PIP5K1B: variants seen among roughly 807,000 people sequenced by gnomAD.
PIP5K1B encodes the protein phosphatidylinositol 4-phosphate 5-kinase type-1 beta.
Under a neutral mutation model 67.0 loss-of-function variants are expected in PIP5K1B, and 42 were observed. The ratio of observed to expected loss-of-function variants is 0.63; its 90% CI spans 0.49 to 0.81. The LOEUF (loss-of-function observed/expected upper bound fraction) is 0.81, where lower values mean the gene tolerates loss of function less well. Among genes scored for constraint, PIP5K1B ranks in the 30% least tolerant of loss-of-function variants. The pLI is 0.00. For missense variants in PIP5K1B, 459 were observed against 646.3 expected (o/e 0.71, Z 3.14); for synonymous variants, 214 against 231.4 (o/e 0.92, Z 0.68).
chr9:68,895,265 TAA>T (rs11342436), intron 8 of PIP5K1B, among the ~76,000 whole-genome samples: 129 of 121,096 alleles, frequency 1.1e-3, no homozygotes, highest in Middle Eastern at 4.3e-3. Flanking sequence ...TGCAATGCTT[TAA>T]AAAAAAAAAA....
At chr9:68,728,813 C>G (rs899815179) in intron 1 of PIP5K1B, 1 of 152,128 alleles carries the variant, frequency 6.6e-6, no homozygotes, top group African/African-American at 2.4e-5. Context: ...GGATATCCAA[C>G]GAGAACCTCC....
At chr9:68,922,591 C>T (rs866249428) in intron 11 of PIP5K1B, among the ~76,000 whole-genome samples, 3 of 151,894 alleles carry the variant, frequency 2.0e-5, no homozygotes, top group Non-Finnish European at 4.4e-5. Context: ...ACTAAATAAA[C>T]ATAGAAAAGT....
chr9:68,965,069 A>G (rs1249107041), intron 14 of PIP5K1B, among the ~76,000 whole-genome samples: 1 of 152,232 alleles, frequency 6.6e-6, no homozygotes, highest in Non-Finnish European at 1.5e-5. Context: ...CAGCTTGGAC[A>G]GGTAACCTAG....
chr9:68,936,938 C>G lies in PIP5K1B; in HGVS notation c.1357+1893C>G, dbSNP rs1341402950. On this transcript the variant is annotated intron_variant, in intron 13 of 15. Transcript: ENST00000265382. ...TATTGATTTGCATATGTTGAACCAG[C>G]CTTGCATCCCAGGGATGAAGCCGAC... Among the ~76,000 whole-genome samples the G allele has an allele frequency of 2.0e-5, 3 of 152,184 alleles. No homozygotes were observed. The East Asian group carries it at 5.8e-4, about 29-fold the overall frequency.
chr9:68,997,859 G>C (rs1254060085), intron 15 of PIP5K1B, among the ~76,000 whole-genome samples: 2 of 152,094 alleles, frequency 1.3e-5, no homozygotes, highest in Admixed American at 1.3e-4. Flanking sequence ...TGCTGTTTAA[G>C]GATTAGCGTA....
chr9:68,988,742 C>T (rs1196713147), intron 14 of PIP5K1B, among the ~76,000 whole-genome samples: 3 of 151,790 alleles, frequency 2.0e-5, no homozygotes, highest in African/African-American at 7.3e-5. Flanking sequence ...TGAGCCACCG[C>T]GCCCAGCCTC....
intron 4 of PIP5K1B, chr9:68,824,165 A>C: frequency 1.9e-6 from 1 of 519,060 alleles, no homozygotes; most frequent in South Asian, 1.4e-5. Context: ...AGCATGGACC[A>C]ACACAGAGAT....
At chr9:68,785,704 G>A (rs1251400198) in intron 2 of PIP5K1B, among the ~76,000 whole-genome samples, 1 of 152,152 alleles carries the variant, frequency 6.6e-6, no homozygotes, top group Admixed American at 6.5e-5. Context: ...TTCCAGAGCT[G>A]GGAGGTAGGC....
intron 2 of PIP5K1B, among the ~76,000 whole-genome samples, chr9:68,816,734 G>A (rs1381741726): frequency 6.6e-6 from 1 of 152,104 alleles, no homozygotes; most frequent in Non-Finnish European, 1.5e-5. Flanking sequence ...TCCATCTGGG[G>A]CAATATTCCA....
At chr9:68,713,084 C>T (rs1265235464) in intron 1 of PIP5K1B, among the ~76,000 whole-genome samples, 1 of 152,162 alleles carries the variant, frequency 6.6e-6, no homozygotes, top group Non-Finnish European at 1.5e-5. Flanking sequence ...ACAGAGTCAT[C>T]ACTACCTGAG....
intron 14 of PIP5K1B, among the ~76,000 whole-genome samples, chr9:68,953,173 T>G (rs563631032): frequency 6.6e-6 from 1 of 152,288 alleles, no homozygotes; most frequent in South Asian, 2.1e-4. Context: ...CTATTTATGT[T>G]TCTGTCCTAG....
chr9:68,859,656 G>A (rs777591081), intron 4 of PIP5K1B, among the ~76,000 whole-genome samples: 16 of 152,304 alleles, frequency 1.1e-4, no homozygotes, highest in Middle Eastern at 3.4e-3. Flanking sequence ...TCTGTTGGTG[G>A]TATCCTGGAG....
rs376326535 is a variant in PIP5K1B at position 68,851,383 on chromosome 9, C to T, written c.70-12454C>T. On this transcript the variant is annotated intron_variant, in intron 4 of 15. Coordinates refer to ENST00000265382, the MANE Select transcript of PIP5K1B (RefSeq NM_003558.4). ...GAATAACCTTGTTATAAGGCAAATT[C>T]ACCACATGGAGTGTTCGTGCCAGCC... Among the ~76,000 whole-genome samples, 10 of 152,330 alleles carry T rather than the reference C, an allele frequency of 6.6e-5. No homozygotes were observed. The East Asian group carries it at 1.3e-3, about 21-fold the overall frequency.
chr9:68,708,709 G>C (rs1827245462), intron 1 of PIP5K1B, among the ~76,000 whole-genome samples: 2 of 152,048 alleles, frequency 1.3e-5, no homozygotes, highest in African/African-American at 4.8e-5. Context: ...ACTGTCTCGT[G>C]GTTTCAGAGG....
chr9:68,868,003 A>G (rs1228361082), intron 5 of PIP5K1B, among the ~76,000 whole-genome samples: 1 of 152,224 alleles, frequency 6.6e-6, no homozygotes, highest in Non-Finnish European at 1.5e-5. Flanking sequence ...TTAAATATCA[A>G]GTACATAATT....
At chr9:68,815,537 A>G (rs1227982906) in intron 2 of PIP5K1B, among the ~76,000 whole-genome samples, 1 of 152,136 alleles carries the variant, frequency 6.6e-6, no homozygotes, top group African/African-American at 2.4e-5. Flanking sequence ...GTTCAGGTTT[A>G]TGGCAATAAA....
chr9:68,829,448 C>A (rs1468891859), intron 4 of PIP5K1B, among the ~76,000 whole-genome samples: 2 of 152,182 alleles, frequency 1.3e-5, no homozygotes, highest in African/African-American at 2.4e-5. Flanking sequence ...GCCTCCACCC[C>A]CCAGGAAGAT....
chr9:68,985,467 G>T (rs1489266690), intron 14 of PIP5K1B, among the ~76,000 whole-genome samples: 2 of 152,062 alleles, frequency 1.3e-5, no homozygotes, highest in African/African-American at 4.8e-5. Flanking sequence ...GGCCAGGATG[G>T]TCTTGAACTC....
chr9:68,824,227 C>T, intron 4 of PIP5K1B: 1 of 518,934 alleles, frequency 1.9e-6, no homozygotes, highest in Middle Eastern at 3.2e-4. Context: ...GTGGTATTCT[C>T]AATCAGCATC....
Sources: allele counts gnomAD v4.1 joint callset (sites outside exome capture counted in the v4.1 genomes callset), GRCh38; gene constraint gnomAD v4.1.1; transcripts MANE v1.5; gene names NCBI Gene and HGNC (gene_info 2026-07-23, HGNC 2026-07-21).